The following CD163 variants were observed in gnomAD, a reference collection of about 807,000 sequenced individuals.
CD163 encodes the protein scavenger receptor cysteine-rich type 1 protein M130.
A neutral mutation model predicts 129.2 loss-of-function variants in CD163; 64 were observed. That is an observed-to-expected ratio of 0.50 (90% CI 0.41 to 0.61). The LOEUF (loss-of-function observed/expected upper bound fraction) is 0.61, where lower values mean the gene tolerates loss of function less well. Ranked by LOEUF, CD163 falls within the 20% of genes least tolerant of loss-of-function variation. The pLI is 0.00. For missense variants in CD163, 1,061 were observed against 1,377.9 expected, an observed-to-expected ratio of 0.77 and a Z score of 3.64; for synonymous variants, 446 against 478.5, an observed-to-expected ratio of 0.93 and a Z score of 0.89.
In CD163 at chr12:7,474,443, C is replaced by T. The variant is rs1455134401; in HGVS notation, c.*32-3046G>A. On this transcript the variant is annotated intron_variant, in intron 16 of 16. Transcript: ENST00000432237. ...AAACTCACTCGAAACCTCACAACTA[C>T]GTGGAAACTGAACAACCTGCTCCAG... Among the ~76,000 whole-genome samples, 18 of 152,276 alleles carry T rather than the reference C, an allele frequency of 1.2e-4. No homozygotes were observed. In the South Asian group the frequency reaches 1.7e-3, roughly 14 times the overall value.
Position 7,479,763 on chromosome 12 carries a change from T to C in CD163, c.*31+97A>G, listed in dbSNP as rs1263728413. ...ATGCACATAAGCAAATAAAATATGT[T>C]TATATACATTCTTTCTTTCTAATGC... On this transcript the variant is annotated intron_variant, in intron 16 of 16. Coordinates refer to ENST00000432237, the MANE Select transcript of CD163 (RefSeq NM_203416.4). 2.8e-5 allele frequency: 36 copies of C among 1,268,762 alleles called. No homozygotes were observed. In the South Asian group the frequency reaches 4.6e-4, roughly 16 times the overall value. 78.6% of individuals were successfully genotyped at this position (1,268,762 alleles called of 1,614,324 possible).
intron 5 of CD163, 38 bp from the exon 6 acceptor site, chr12:7,495,439 T>A (rs1276324895): frequency 1.3e-6 from 2 of 1,571,656 alleles, no homozygotes; most frequent in Non-Finnish European, 1.7e-6. Flanking sequence ...TCGATACATA[T>A]GGAGGTTAGC....
chr12:7,493,345 C>T (rs1314137679), intron 6 of CD163, among the ~76,000 whole-genome samples: 5 of 152,116 alleles, frequency 3.3e-5, no homozygotes, highest in Admixed American at 6.5e-5. Flanking sequence ...GCCAGCACTT[C>T]GTCTACCAGA....
At chr12:7,491,136 A>AAC (rs933114044) in intron 6 of CD163, among the ~76,000 whole-genome samples, 7 of 134,698 alleles carry the variant, frequency 5.2e-5, no homozygotes, top group African/African-American at 1.7e-4. Flanking sequence ...ACCAGTGAAA[A>AAC]ACAAACAAAC....
chr12:7,487,746 C>G lies in CD163; in HGVS notation c.1735+27G>C, dbSNP rs751290326. 6.2e-7 allele frequency: 1 copy of G among 1,613,920 alleles called. No individual in the cohort carries two copies. The highest frequency in any genetic ancestry group is 1.1e-5 in the South Asian group (1 of 91,070). ...CCTGTCCCTTTCACAGTATGAGAAC[C>G]AATTAAAGATGTTTTCTGGGTCTTA... On this transcript the variant is annotated intron_variant, in intron 7 of 16. Coordinates refer to ENST00000432237, the MANE Select transcript of CD163 (RefSeq NM_203416.4). The surrounding 1 kb of genome is among the most constrained non-coding windows in gnomAD (Gnocchi z 5.1).
chr12:7,491,565 GA>G (rs2136718983), intron 6 of CD163, among the ~76,000 whole-genome samples: 1 of 151,924 alleles, frequency 6.6e-6, no homozygotes, highest in South Asian at 2.1e-4. Context: ...TCTTTTTCTA[GA>G]AAAATAAATA....
intron 2 of CD163, 107 bp downstream of exon 2, chr12:7,502,371 G>A: frequency 1.3e-6 from 1 of 768,314 alleles, no homozygotes; most frequent in East Asian, 2.4e-5. Context: ...CATGGAGCAT[G>A]TCACCTAGTT....
intron 11 of CD163, among the ~76,000 whole-genome samples, chr12:7,484,110 T>A (rs1949213371): frequency 6.6e-6 from 1 of 151,802 alleles, no homozygotes; most frequent in African/African-American, 2.4e-5. Flanking sequence ...AAAGTCCGAT[T>A]ACAGGCGTGA....
chr12:7,471,455 T>G (rs1399861922), intron 16 of CD163, 58 bp from the exon 17 acceptor site: 1 of 152,180 alleles, frequency 6.6e-6, no homozygotes, highest in Non-Finnish European at 1.5e-5. Context: ...AAGAATTCAT[T>G]ACATTATAAC....
chr12:7,487,053 A>G lies in CD163; in HGVS notation c.2051-67T>C. ...TTAGGGGAGTCAGATGAAATGTTAT[A>G]TGGATGAGTTGAGGACAAACATAGC... On this transcript the variant is annotated intron_variant, in intron 8 of 16. Coordinates refer to ENST00000432237, the MANE Select transcript of CD163 (RefSeq NM_203416.4). This position sits in a 1 kb window ranked among gnomAD's most constrained non-coding sequence, Gnocchi z 5.1. 1 of 1,246,102 alleles carries G rather than the reference A, an allele frequency of 8.0e-7. No individual in the cohort carries two copies. Among genetic ancestry groups the G allele is most frequent in the South Asian group, 1.3e-5 (1 of 78,478 alleles). 77.2% of individuals were successfully genotyped at this position (1,246,102 alleles called of 1,614,324 possible). A position where few individuals can be genotyped will look rare whatever the true frequency, so the allele number is the denominator to read the frequency against.
chr12:7,502,412 G>A, intron 2 of CD163, 66 bp downstream of exon 2: 1 of 1,004,260 alleles, frequency 1.0e-6, no homozygotes, highest in Non-Finnish European at 1.6e-6. Context: ...CAGAAAAATT[G>A]TTTGCCTTTT....
chr12:7,495,336 C>T lies in CD163; in HGVS notation c.1165G>A (p.Glu389Lys). 6.2e-7 allele frequency: 1 copy of T among 1,614,170 alleles called. No homozygotes were observed. The highest frequency in any genetic ancestry group is 8.5e-7 in the Non-Finnish European group (1 of 1,180,012). ...ACCTTCCCTAACAGTCTCTGAATCT[C>T]CACCTCAACTGTCCCAGCACAGCGG... Reference protein sequence around the residue: ...GSRCAGTVEVEIQRLLGKVCD... With the variant: ...GSRCAGTVEVKIQRLLGKVCD... The change falls in exon 6 of 17, where the codon GAG (glutamate) becomes AAG (lysine). Residue 389 changes from glutamate (E) to lysine (K), a missense_variant. Coordinates refer to ENST00000432237, the MANE Select transcript of CD163 (RefSeq NM_203416.4).
Position 7,501,499 on chromosome 12 carries a change from C to T in CD163, c.134-37G>A, listed in dbSNP as rs372540056. On this transcript the variant is annotated intron_variant, in intron 2 of 16. Coordinates refer to ENST00000432237, the MANE Select transcript of CD163 (RefSeq NM_203416.4). Reference sequence around the variant, plus strand: ...GATTAAGACAGTAATTGGCCAAGGTCGCAAAGAGCAAGTAGAAAATTATTT... The same window carrying T: ...GATTAAGACAGTAATTGGCCAAGGTTGCAAAGAGCAAGTAGAAAATTATTT... The T allele has an allele frequency of 1.1e-4, 171 of 1,511,304 alleles. 1 individual carries two copies. Among genetic ancestry groups the T allele is most frequent in the Admixed American group, 4.0e-4 (23 of 57,848 alleles). The allele number at this position is 1,511,304 out of a possible 1,614,324, so 93.6% of individuals were successfully genotyped here. A position where few individuals can be genotyped will look rare whatever the true frequency, so the allele number is the denominator to read the frequency against.
chr12:7,503,541 C>T, intron 1 of CD163, 104 bp downstream of exon 1: 1 of 707,746 alleles, frequency 1.4e-6, no homozygotes, highest in Non-Finnish European at 2.4e-6. Context: ...TTTTCCACTC[C>T]TTACTCTCCT....
chr12:7,480,159 C>A (rs1247450458), intron 15 of CD163: 2 of 595,512 alleles, frequency 3.4e-6, no homozygotes, highest in Non-Finnish European at 5.7e-6. Context: ...TGTTTCCTGA[C>A]ACAGTAACAG....
At chr12:7,483,811 T>TTATATATATATGTA (rs1555076495) in intron 11 of CD163, 136 bp from the exon 12 acceptor site, 1 of 128,888 alleles carries the variant, frequency 7.8e-6, no homozygotes, top group African/African-American at 3.2e-5. Context: ...ATATTAAAAT[T>TTATATATATATGTA]TATATATATA....
chr12:7,481,026 G>T, intron 15 of CD163, 135 bp downstream of exon 15: 1 of 1,390,072 alleles, frequency 7.2e-7, no homozygotes, highest in Non-Finnish European at 9.4e-7. Flanking sequence ...AGTCATTCTT[G>T]TCCATTATAT....
chr12:7,488,757 C>T (rs918994185), intron 6 of CD163, among the ~76,000 whole-genome samples: 3 of 152,118 alleles, frequency 2.0e-5, no homozygotes, highest in Non-Finnish European at 2.9e-5. Flanking sequence ...GATCCACAAA[C>T]GTATCTGCTT....
chr12:7,487,500 G>C lies in CD163; in HGVS notation c.1909C>G (p.Arg637Gly). 2 of 1,614,036 alleles carry C rather than the reference G, an allele frequency of 1.2e-6. No individual in the cohort carries two copies. Among genetic ancestry groups the C allele is most frequent in the Non-Finnish European group, 1.7e-6 (2 of 1,180,014 alleles). ...ATCTGACCATTTCCTTTTCCAAAAC[G>C]TGCTCCTCCTGGGGTAGAAAGGGCA... is the stretch of plus-strand genomic sequence containing the variant. The part of the protein sequence containing the change: ...GVALSTPGGA[R>G]FGKGNGQIWR... The change falls in exon 8 of 17, where the codon CGT becomes GGT. Residue 637 changes from arginine to glycine, a missense_variant. Arg to Gly is a moderately radical substitution (Grantham distance 125). Transcript: ENST00000432237. This position sits in a 1 kb window ranked among gnomAD's most constrained non-coding sequence, Gnocchi z 5.1.
Sources: gnomAD v4.1 joint callset for allele counts (sites outside exome capture counted in the v4.1 genomes callset) on GRCh38, gnomAD v4.1.1 for gene constraint, Gnocchi (gnomAD v3.1) non-coding constraint, MANE v1.5 for transcripts, NCBI Gene and HGNC (gene_info 2026-07-23, HGNC 2026-07-21) for gene names.